CD84: variants seen among roughly 807,000 people sequenced by gnomAD.
CD84 encodes SLAM family member 5.
A neutral mutation model predicts 33.8 loss-of-function variants in CD84; 22 were observed. The ratio of observed to expected loss-of-function variants is 0.65; its 90% CI spans 0.46 to 0.93. CD84 has a LOEUF of 0.93. Among genes scored for constraint, CD84 ranks in the 40% least tolerant of loss-of-function variants. The pLI, the probability that CD84 is intolerant of heterozygous loss-of-function variation, is 0.00. For missense variants in CD84, 400 were observed against 397.6 expected, an observed-to-expected ratio of 1.01 and a Z score of -0.05; for synonymous variants, 154 against 145.2, an observed-to-expected ratio of 1.06 and a Z score of -0.44.
rs1655708672 is a variant in CD84, at chr1:160,544,390, C to T, written c.*3866G>A. On this transcript the variant is annotated 3_prime_UTR_variant, in exon 7 of 7. Transcript: ENST00000368054. ...TGGTCTCGAACTCCTTGTGATCCAC[C>T]CACCTTGGCCTCCCAAAATTCTAGG... The T allele has an allele frequency of 6.6e-6, 1 of 152,064 alleles. No homozygotes were observed. The highest frequency in any genetic ancestry group is 2.4e-5 in the African/African-American group (1 of 41,386). The allele number at this position is 152,064 out of a possible 1,614,324, so 9.4% of individuals were successfully genotyped here.
intron 1 of CD84, among the ~76,000 whole-genome samples, chr1:160,576,192 G>A (rs1273892043): frequency 6.6e-6 from 1 of 152,030 alleles, no homozygotes; most frequent in Non-Finnish European, 1.5e-5. Context: ...CTGTCTCTGA[G>A]CCCCAGGATG....
At position 160,553,687 on chromosome 1, in the gene CD84, G is replaced by A. The variant is rs1367493602; in HGVS notation, c.641-190C>T. ...AATTGAATCAGAGAGTTGATCAGGGGCTGCCACAGAACACCCAGAAATGTC... is the reference window on the plus strand; with the variant it reads ...AATTGAATCAGAGAGTTGATCAGGGACTGCCACAGAACACCCAGAAATGTC... On this transcript the variant is annotated intron_variant, in intron 3 of 6. Transcript: ENST00000368054. The A allele has an allele frequency of 5.3e-6, 5 of 949,014 alleles. No homozygotes were observed. In the African/African-American group the frequency reaches 8.3e-5, roughly 16 times the overall value. The allele number at this position is 949,014 out of a possible 1,614,324, so 58.8% of individuals were successfully genotyped here. A position where few individuals can be genotyped will look rare whatever the true frequency, so the allele number is the denominator to read the frequency against.
intron 2 of CD84, among the ~76,000 whole-genome samples, chr1:160,559,264 C>G (rs1444202550): frequency 6.6e-6 from 1 of 152,168 alleles, no homozygotes; most frequent in Non-Finnish European, 1.5e-5. Context: ...GGAAGCACAT[C>G]AGACTAAAAG....
At chr1:160,566,123 G>A (rs1177123729) in intron 1 of CD84, among the ~76,000 whole-genome samples, 1 of 152,158 alleles carries the variant, frequency 6.6e-6, no homozygotes, top group African/African-American at 2.4e-5. Context: ...GGAAGAGCTA[G>A]AACAAGAACC....
chr1:160,554,917 A>G (rs981997361), intron 2 of CD84, among the ~76,000 whole-genome samples: 1 of 140,312 alleles, frequency 7.1e-6, no homozygotes, highest in Non-Finnish European at 1.5e-5. Context: ...AGAATTTACA[A>G]TAAAGACTAT....
At position 160,547,557 on chromosome 1, in the gene CD84, GA is replaced by G. The variant is rs1177395330; in HGVS notation, c.*698del. 5.4e-6 allele frequency: 1 copy of G among 186,220 alleles called. No individual in the cohort carries two copies. The highest frequency in any genetic ancestry group is 1.1e-5 in the Non-Finnish European group (1 of 90,906). 11.5% of individuals were successfully genotyped at this position (186,220 alleles called of 1,614,324 possible). A position where few individuals can be genotyped will look rare whatever the true frequency, so the allele number is the denominator to read the frequency against. On this transcript the variant is annotated 3_prime_UTR_variant, in exon 7 of 7. Transcript: ENST00000368054. ...CTACATGGCTGAGAGCCACAACTCT[GA>G]CAGAGACCCACACAGCACTGTCATC... is the stretch of plus-strand genomic sequence containing the variant.
intron 1 of CD84, among the ~76,000 whole-genome samples, chr1:160,578,233 A>T (rs1658089755): frequency 6.6e-6 from 1 of 152,218 alleles, no homozygotes; most frequent in Non-Finnish European, 1.5e-5. Flanking sequence ...GAATGTAGGC[A>T]TAAACATTGT....
rs1437478165 is a variant in CD84, at chr1:160,543,448, C to T, written c.*4808G>A. On this transcript the variant is annotated 3_prime_UTR_variant, in exon 7 of 7. Coordinates refer to ENST00000368054, the MANE Select transcript of CD84 (RefSeq NM_003874.4). ...TTTGCCAAGGTATTCATATGTCAGC[C>T]TTAGTGTTAACTGGAAGAATTAATT... 6.6e-6 allele frequency: 1 copy of T among 151,902 alleles called. No individual in the cohort carries two copies. Among genetic ancestry groups the T allele is most frequent in the Non-Finnish European group, 1.5e-5 (1 of 67,982 alleles). The allele number at this position is 151,902 out of a possible 1,614,324, so 9.4% of individuals were successfully genotyped here.
chr1:160,578,109 G>A (rs1175548538), intron 1 of CD84, among the ~76,000 whole-genome samples: 1 of 152,142 alleles, frequency 6.6e-6, no homozygotes, highest in Non-Finnish European at 1.5e-5. Context: ...TTTAGGTAGT[G>A]AAATTTCAGG....
At chr1:160,558,840 A>G (rs1291135397) in intron 2 of CD84, among the ~76,000 whole-genome samples, 2 of 152,202 alleles carry the variant, frequency 1.3e-5, no homozygotes, top group Non-Finnish European at 2.9e-5. Context: ...ACTGATCACA[A>G]GTATCAACAG....
chr1:160,547,056 G>A lies in CD84; in HGVS notation c.*1200C>T, dbSNP rs1215426167. 5 of 398,604 alleles carry A rather than the reference G, an allele frequency of 1.3e-5. No homozygotes were observed. The Admixed American group carries it at 2.2e-4, about 18-fold the overall frequency. 24.7% of individuals were successfully genotyped at this position (398,604 alleles called of 1,614,324 possible). On this transcript the variant is annotated 3_prime_UTR_variant, in exon 7 of 7. Transcript: ENST00000368054. Reference sequence around the variant, plus strand: ...CACTTCCTTAAATGATCATATGAATGTCTTGCTCAGTTGTGAATGATTCTT... The same window carrying A: ...CACTTCCTTAAATGATCATATGAATATCTTGCTCAGTTGTGAATGATTCTT...
chr1:160,550,867 G>C lies in CD84; in HGVS notation c.858+71C>G, dbSNP rs920518839. On this transcript the variant is annotated intron_variant, in intron 5 of 6. Transcript: ENST00000368054. ...GCTTTCTAGACAACAACAAGCAGAGGCAATGGCTGCCCATGACTCCCTGTC... is the reference window on the plus strand; with the variant it reads ...GCTTTCTAGACAACAACAAGCAGAGCCAATGGCTGCCCATGACTCCCTGTC... 3.9e-5 allele frequency: 63 copies of C among 1,604,576 alleles called. No individual in the cohort carries two copies. The African/African-American group carries it at 7.9e-4, about 20-fold the overall frequency.
chr1:160,566,990 G>T (rs1045944438), intron 1 of CD84, among the ~76,000 whole-genome samples: 3 of 152,038 alleles, frequency 2.0e-5, no homozygotes, highest in Admixed American at 6.6e-5. Context: ...CTCAATGAGG[G>T]CTCTTTAGTG....
intron 1 of CD84, among the ~76,000 whole-genome samples, chr1:160,573,528 C>A (rs186570875): frequency 5.9e-5 from 9 of 152,268 alleles, no homozygotes; most frequent in Non-Finnish European, 8.8e-5. Flanking sequence ...TGCCTTAGAG[C>A]TTTTGCACCT....
chr1:160,565,652 C>G lies in CD84; in HGVS notation c.140G>C (p.Arg47Pro), dbSNP rs949572473. ...AGTCCAAGCAATGATTTTAACTTGC[C>G]GTGGTTCTTGGATATTTACAGGGAA... ...VTFPVNIQEPRQVKIIAWTSK... is the reference protein window; with the variant it reads ...VTFPVNIQEPPQVKIIAWTSK... The change falls in exon 2 of 7, where the codon CGG becomes CCG. Residue 47 changes from arginine to proline, a missense_variant. Transcript: ENST00000368054. 1 of 1,613,880 alleles carries G rather than the reference C, an allele frequency of 6.2e-7. No homozygotes were observed. Among genetic ancestry groups the G allele is most frequent in the Non-Finnish European group, 8.5e-7 (1 of 1,179,872 alleles).
chr1:160,544,297 G>A lies in CD84; in HGVS notation c.*3959C>T, dbSNP rs1138323. On this transcript the variant is annotated 3_prime_UTR_variant, in exon 7 of 7. Transcript: ENST00000368054. ...CCTGAGTAGCTGGGACTACAGGCAC[G>A]TGCCACCATGCCCGGCTAATTTTTT... The A allele has an allele frequency of 0.48, 73,084 of 151,676 alleles. 19,845 individuals carry two copies. The highest frequency in any genetic ancestry group is 0.67 in the East Asian group (3,433 of 5,156). The allele number at this position is 151,676 out of a possible 1,614,324, so 9.4% of individuals were successfully genotyped here. A position where few individuals can be genotyped will look rare whatever the true frequency, so the allele number is the denominator to read the frequency against.
Position 160,548,322 on chromosome 1 carries a change from C to T in CD84, c.922-1G>A, listed in dbSNP as rs764195681. On this transcript the variant is annotated splice_acceptor_variant, in intron 6 of 6. Transcript: ENST00000368054. LOFTEE classifies it high-confidence loss of function. ...TGTCCTGTGTGCTGGCTTTCCCCAT[C>T]TGTGCAGGAGAGAAGCGTGAGAAAA... The T allele has an allele frequency of 3.7e-6, 6 of 1,614,048 alleles. No individual in the cohort carries two copies. The Admixed American group carries it at 6.7e-5, about 18-fold the overall frequency.
Position 160,543,079 on chromosome 1 carries a change from T to C in CD84, c.*5177A>G, listed in dbSNP as rs1655626149. On this transcript the variant is annotated 3_prime_UTR_variant, in exon 7 of 7. Transcript: ENST00000368054. ...ACCTGAAACCCCTGCCTGTCCAAAATGCATATAGAGAGCTCTATCCAACCT... is the reference window on the plus strand; with the variant it reads ...ACCTGAAACCCCTGCCTGTCCAAAACGCATATAGAGAGCTCTATCCAACCT... 6.6e-6 allele frequency: 1 copy of C among 152,164 alleles called. No homozygotes were observed. The highest frequency in any genetic ancestry group is 2.1e-4 in the South Asian group (1 of 4,828). The allele number at this position is 152,164 out of a possible 1,614,324, so 9.4% of individuals were successfully genotyped here. A position where few individuals can be genotyped will look rare whatever the true frequency, so the allele number is the denominator to read the frequency against.
chr1:160,553,485 C>A lies in CD84; in HGVS notation c.653G>T (p.Gly218Val). ...ARQLCADIAMGFRTHHTGLLS... is the reference protein window; with the variant it reads ...ARQLCADIAMVFRTHHTGLLS... ...CAACCCGGTGTGGTGAGTACGGAAG[C>A]CCATTGCGATGTCTGGAAATAGAAG... is the stretch of plus-strand genomic sequence containing the variant. Residue 218 changes from glycine to valine, a missense_variant, in exon 4 of 7, where the codon GGC (glycine) becomes GTC (valine). Gly to Val is a moderately radical substitution (Grantham distance 109, BLOSUM62 -3). Transcript: ENST00000368054. 1 of 1,614,022 alleles carries A rather than the reference C, an allele frequency of 6.2e-7. No individual in the cohort carries two copies. The highest frequency in any genetic ancestry group is 1.3e-5 in the African/African-American group (1 of 75,006).
Sources: allele counts gnomAD v4.1 joint callset (sites outside exome capture counted in the v4.1 genomes callset), GRCh38; gene constraint gnomAD v4.1.1; transcripts MANE v1.5; gene names NCBI Gene and HGNC (gene_info 2026-07-23, HGNC 2026-07-21).